IL15RA: variants seen among roughly 807,000 people sequenced by gnomAD.
IL15RA encodes interleukin 15 receptor subunit alpha, also known as interleukin-15 receptor subunit alpha.
In IL15RA, 26 loss-of-function variants were observed where a neutral mutation model predicts 24.2. The ratio of observed to expected loss-of-function variants is 1.07; its 90% CI spans 0.79 to 1.49. The LOEUF (loss-of-function observed/expected upper bound fraction) is 1.49. Ranked by LOEUF, IL15RA falls within the 40% of genes most tolerant of loss-of-function variation. The pLI is 0.00. For missense variants in IL15RA, 354 were observed against 356.4 expected (o/e 0.99, Z 0.05); for synonymous variants, 166 against 157.6 (o/e 1.05, Z -0.40).
rs959557242 is a variant in IL15RA, at chr10:5,966,539, G to C, written c.89-200C>G. On this transcript the variant is annotated intron_variant, in intron 1 of 6. Transcript: ENST00000379977. The surrounding 1 kb of genome is among the most constrained non-coding windows in gnomAD (Gnocchi z 6.4). ...TCCTGGAGCCTCGCCTGAAGTGCCA[G>C]TCAGCCAGCAAAACTACAGATGAGG... Among the ~76,000 whole-genome samples, 3 of 152,130 alleles carry C rather than the reference G, an allele frequency of 2.0e-5. No homozygotes were observed. Among genetic ancestry groups the C allele is most frequent in the Non-Finnish European group, 2.9e-5 (2 of 68,018 alleles).
In IL15RA at chr10:5,960,277, G is replaced by A. The variant is rs561645134; in HGVS notation, c.583+90C>T. ...CAGTGAATCCTGACTTTGGATTGAT[G>A]GTATAAAGCTGCCTTGTGCCGGATC... On this transcript the variant is annotated intron_variant, in intron 4 of 6. Coordinates refer to ENST00000379977, the MANE Select transcript of IL15RA (RefSeq NM_002189.4). The surrounding 1 kb of genome is among the most constrained non-coding windows in gnomAD (Gnocchi z 5.1). 1 of 1,187,008 alleles carries A rather than the reference G, an allele frequency of 8.4e-7. No individual in the cohort carries two copies. The highest frequency in any genetic ancestry group is 1.5e-5 in the African/African-American group (1 of 66,512). The allele number at this position is 1,187,008 out of a possible 1,614,324, so 73.5% of individuals were successfully genotyped here.
chr10:5,965,705 C>T lies in IL15RA; in HGVS notation c.283+440G>A, dbSNP rs1836395746. On this transcript the variant is annotated intron_variant, in intron 2 of 6. Coordinates refer to ENST00000379977, the MANE Select transcript of IL15RA (RefSeq NM_002189.4). The surrounding 1 kb of genome is among the most constrained non-coding windows in gnomAD (Gnocchi z 5.8). Reference sequence around the variant, plus strand: ...AACGCCAGGAGCTGTTGCTGAGGATCACACTGGTGTCTTTCTTTTTTTCTT... The same window carrying T: ...AACGCCAGGAGCTGTTGCTGAGGATTACACTGGTGTCTTTCTTTTTTTCTT... Among the ~76,000 whole-genome samples the T allele has an allele frequency of 6.6e-6, 1 of 152,192 alleles. No homozygotes were observed. The highest frequency in any genetic ancestry group is 2.1e-4 in the South Asian group (1 of 4,836).
At chr10:5,949,767 G>A (rs1020550252), downstream of IL15RA, among the ~76,000 whole-genome samples, 7 of 152,162 alleles carry the variant, frequency 4.6e-5, no homozygotes, top group South Asian at 6.2e-4. The surrounding 1 kb of genome is among the most constrained non-coding windows in gnomAD (Gnocchi z 4.4). Flanking sequence ...AATAAAGAAC[G>A]TAAGTGGTTT....
chr10:5,956,629 C>T (rs1283910637), intron 5 of IL15RA, among the ~76,000 whole-genome samples, 175 bp from the exon 6 acceptor site: 2 of 152,234 alleles, frequency 1.3e-5, no homozygotes, highest in African/African-American at 2.4e-5. Flanking sequence ...TAGGCAAAAA[C>T]ACATTCTCTT....
chr10:5,968,681 A>C lies in IL15RA; in HGVS notation c.89-2342T>G. On this transcript the variant is annotated intron_variant, in intron 1 of 6. Coordinates refer to ENST00000379977, the MANE Select transcript of IL15RA (RefSeq NM_002189.4). The surrounding 1 kb of genome is among the most constrained non-coding windows in gnomAD (Gnocchi z 5.4). ...TTTCTCCATGTTCTGCTCCACACTGATCTTCTGTCCTTCTCTACCTGCCTA... is the reference window on the plus strand; with the variant it reads ...TTTCTCCATGTTCTGCTCCACACTGCTCTTCTGTCCTTCTCTACCTGCCTA... 2 of 681,996 alleles carry C rather than the reference A, an allele frequency of 2.9e-6. No individual in the cohort carries two copies. The highest frequency in any genetic ancestry group is 5.4e-6 in the Non-Finnish European group (2 of 373,050). The allele number at this position is 681,996 out of a possible 1,614,324, so 42.2% of individuals were successfully genotyped here.
upstream of IL15RA, among the ~76,000 whole-genome samples, chr10:5,978,374 G>A (rs1158295501): frequency 1.3e-5 from 2 of 152,144 alleles, no homozygotes; most frequent in East Asian, 1.9e-4. The surrounding 1 kb of genome is among the most constrained non-coding windows in gnomAD (Gnocchi z 5.2). Flanking sequence ...AACCGGGTCT[G>A]TAAGCTCCCA....
Position 5,975,229 on chromosome 10 carries a change from G to A in IL15RA, c.88+2176C>T, listed in dbSNP as rs554447586. ...CTAAACAAATGATGGGCTAGCCATG[G>A]GTAGAATACTACTACTCAATGGTAG... is the stretch of plus-strand genomic sequence containing the variant. On this transcript the variant is annotated intron_variant, in intron 1 of 6. Transcript: ENST00000379977. This position sits in a 1 kb window ranked among gnomAD's most constrained non-coding sequence, Gnocchi z 4.8. Among the ~76,000 whole-genome samples, 1 of 150,860 alleles carries A rather than the reference G, an allele frequency of 6.6e-6. No homozygotes were observed. Among genetic ancestry groups the A allele is most frequent in the South Asian group, 2.1e-4 (1 of 4,814 alleles).
chr10:5,973,750 C>A lies in IL15RA; in HGVS notation c.88+3655G>T, dbSNP rs370849180. Among the ~76,000 whole-genome samples, 90 of 152,264 alleles carry A rather than the reference C, an allele frequency of 5.9e-4. No individual in the cohort carries two copies. The highest frequency in any genetic ancestry group is 2.0e-3 in the African/African-American group (85 of 41,538). On this transcript the variant is annotated intron_variant, in intron 1 of 6. Coordinates refer to ENST00000379977, the MANE Select transcript of IL15RA (RefSeq NM_002189.4). The surrounding 1 kb of genome is among the most constrained non-coding windows in gnomAD (Gnocchi z 4.5). The stretch of plus-strand genomic sequence containing the variant: ...AACACATAGAAGTAAACCTTTGTAA[C>A]CTTAGGCTAGGCAAATATTTCTTAG...
Position 5,971,043 on chromosome 10 carries a change from A to C in IL15RA, c.89-4704T>G, listed in dbSNP as rs978723507. ...TAATTGAAGCAATAACTTCATTTCC[A>C]CATGCCTTAATCACATCTTTAGATA... On this transcript the variant is annotated intron_variant, in intron 1 of 6. Transcript: ENST00000379977. This position sits in a 1 kb window ranked among gnomAD's most constrained non-coding sequence, Gnocchi z 5.5. 6.6e-6 allele frequency among the ~76,000 whole-genome samples: 1 copy of C among 152,164 alleles called. No homozygotes were observed. Among genetic ancestry groups the C allele is most frequent in the African/African-American group, 2.4e-5 (1 of 41,430 alleles).
Position 5,976,652 on chromosome 10 carries a change from C to T in IL15RA, c.88+753G>A, listed in dbSNP as rs900303021. Among the ~76,000 whole-genome samples the T allele has an allele frequency of 3.3e-5, 5 of 152,216 alleles. No individual in the cohort carries two copies. In the East Asian group the frequency reaches 9.7e-4, roughly 29 times the overall value. The stretch of plus-strand genomic sequence containing the variant: ...TTCCTCCTTCCTCTGGCTGCCGGGA[C>T]AAAACCCCTAGGAATCGCTCATTCC... On this transcript the variant is annotated intron_variant, in intron 1 of 6. Coordinates refer to ENST00000379977, the MANE Select transcript of IL15RA (RefSeq NM_002189.4).
rs1834029910 is a variant in IL15RA, at chr10:5,953,128, A to G, written c.771T>C (p.Asp257=). Residue 257 remains aspartate (D), a synonymous_variant, in exon 7 of 7, where the codon GAT becomes GAC. Coordinates refer to ENST00000379977, the MANE Select transcript of IL15RA (RefSeq NM_002189.4). This position sits in a 1 kb window ranked among gnomAD's most constrained non-coding sequence, Gnocchi z 5.3. ...GGTGAGAGCAGTTTTCCAAGTCTTC[A>G]TCTCTGCTGCTGGTCCCCCAAGTCA... The part of the protein sequence containing the change: ...LPVTWGTSSR[D]EDLENCSHHL The G allele has an allele frequency of 1.2e-6, 2 of 1,614,090 alleles. No individual in the cohort carries two copies. Among genetic ancestry groups the G allele is most frequent in the South Asian group, 1.1e-5 (1 of 91,092 alleles).
Position 5,964,289 on chromosome 10 carries a change from G to T in IL15RA, c.284-448C>A, listed in dbSNP as rs1284117187. 1.3e-5 allele frequency among the ~76,000 whole-genome samples: 2 copies of T among 152,086 alleles called. No homozygotes were observed. Among genetic ancestry groups the T allele is most frequent in the African/African-American group, 2.4e-5 (1 of 41,392 alleles). The stretch of plus-strand genomic sequence containing the variant: ...TCCTCCTGCCTCAGTCTCCTGAGTA[G>T]CTGGGACTACATGTACGTGCCTCAA... On this transcript the variant is annotated intron_variant, in intron 2 of 6. Transcript: ENST00000379977. The surrounding 1 kb of genome is among the most constrained non-coding windows in gnomAD (Gnocchi z 5.6).
At chr10:5,972,002 C>T (rs1281269992) in intron 1 of IL15RA, among the ~76,000 whole-genome samples, 1 of 152,190 alleles carries the variant, frequency 6.6e-6, no homozygotes, top group African/African-American at 2.4e-5. Context: ...AGTTTTAGGA[C>T]TCGAGAAGAC....
At position 5,960,563 on chromosome 10, in the gene IL15RA, G is replaced by A. The variant is rs754980165; in HGVS notation, c.387C>T (p.Pro129=). 1.4e-5 allele frequency: 22 copies of A among 1,613,588 alleles called. No individual in the cohort carries two copies. The highest frequency in any genetic ancestry group is 6.7e-5 in the East Asian group (3 of 44,892). ...TGTTTGAGCTGGGAGATGAAGCTGCGGGCTCTGTAGGAGAGTCCAAGGCAG... is the reference window on the plus strand; with the variant it reads ...TGTTTGAGCTGGGAGATGAAGCTGCAGGCTCTGTAGGAGAGTCCAAGGCAG... ...PESLSPSGKE[P]AASSPSSNNT... is the part of the protein sequence containing the mutation. The change falls in exon 4 of 7, where the codon CCC becomes CCT. Residue 129 remains proline, a synonymous_variant. Transcript: ENST00000379977. The surrounding 1 kb of genome is among the most constrained non-coding windows in gnomAD (Gnocchi z 5.1).
chr10:5,974,429 C>T (rs1838090024), intron 1 of IL15RA, among the ~76,000 whole-genome samples: 1 of 152,162 alleles, frequency 6.6e-6, no homozygotes, highest in Admixed American at 6.5e-5. Flanking sequence ...CAAGGGGAGA[C>T]CCCCTACATA....
rs8177652 is a variant in IL15RA, at chr10:5,973,421, G to A, written c.88+3984C>T. Among the ~76,000 whole-genome samples, 53,623 of 151,616 alleles carry A rather than the reference G, an allele frequency of 0.35. 10,050 individuals are homozygous for A. Among genetic ancestry groups the A allele is most frequent in the African/African-American group, 0.47 (19,591 of 41,252 alleles). On this transcript the variant is annotated intron_variant, in intron 1 of 6. Coordinates refer to ENST00000379977, the MANE Select transcript of IL15RA (RefSeq NM_002189.4). This position sits in a 1 kb window ranked among gnomAD's most constrained non-coding sequence, Gnocchi z 4.5. Reference sequence around the variant, plus strand: ...ATGTTATTTCAAATGACTTTTTAAAGTTTTTTAATTTCTAATTGTTCATTG... The same window carrying A: ...ATGTTATTTCAAATGACTTTTTAAAATTTTTTAATTTCTAATTGTTCATTG...
chr10:5,956,350 T>C (rs1834516795), intron 6 of IL15RA, 29 bp downstream of exon 6: 3 of 1,568,670 alleles, frequency 1.9e-6, no homozygotes, highest in Non-Finnish European at 2.6e-6. Flanking sequence ...AGTCTAACTC[T>C]TGCAGAGGGA....
chr10:5,953,471 C>G lies in IL15RA; in HGVS notation c.693-265G>C, dbSNP rs3136631. On this transcript the variant is annotated intron_variant, in intron 6 of 6. Coordinates refer to ENST00000379977, the MANE Select transcript of IL15RA (RefSeq NM_002189.4). This position sits in a 1 kb window ranked among gnomAD's most constrained non-coding sequence, Gnocchi z 5.3. ...TAATCCTAGCACTTTAGGAGGCTGT[C>G]GTGGGAGGATCGCTTGAGCCCAGAA... The G allele has an allele frequency of 0.53, 345,088 of 647,512 alleles. 94,493 individuals carry two copies. The highest frequency in any genetic ancestry group is 0.75 in the African/African-American group (41,826 of 55,484). The allele number at this position is 647,512 out of a possible 1,614,324, so 40.1% of individuals were successfully genotyped here.
chr10:5,976,500 CTA>C (rs2030910754), intron 1 of IL15RA, among the ~76,000 whole-genome samples: 1 of 152,180 alleles, frequency 6.6e-6, no homozygotes, highest in Non-Finnish European at 1.5e-5. Context: ...CATTTTGTAA[CTA>C]TGTTCATTCA....
Sources: allele counts gnomAD v4.1 joint callset (sites outside exome capture counted in the v4.1 genomes callset), GRCh38; gene constraint gnomAD v4.1.1; non-coding constraint Gnocchi (gnomAD v3.1); transcripts MANE v1.5; gene names NCBI Gene and HGNC (gene_info 2026-07-23, HGNC 2026-07-21).